Variants in SARAF observed in about 807,000 individuals in gnomAD.
SARAF encodes store-operated calcium entry-associated regulatory factor.
Under a neutral mutation model 39.7 loss-of-function variants are expected in SARAF, and 23 were observed. The observed-to-expected ratio is 0.58, with a 90% CI of 0.42 to 0.82. SARAF has a LOEUF of 0.82. Among genes scored for constraint, SARAF ranks in the 40% least tolerant of loss-of-function variants. The pLI, the probability that SARAF is intolerant of heterozygous loss-of-function variation, is 0.00. For missense variants in SARAF, 384 were observed against 418.5 expected (o/e 0.92, Z 0.72); for synonymous variants, 175 against 168.5 (o/e 1.04, Z -0.30).
At chr8:30,064,578 T>TTTTGTA (rs1801639697) in intron 5 of SARAF, among the ~76,000 whole-genome samples, 1 of 132,346 alleles carries the variant, frequency 7.6e-6, no homozygotes, top group Non-Finnish European at 1.6e-5. Flanking sequence ...TTTTTTTTTT[T>TTTTGTA]TGAGACAGAG....
chr8:30,083,027 GCAGCTACAC>G lies in SARAF; in HGVS notation c.-87_-79del. ...GGTGCGGTAGCGCGCGCGACGCTGC[GCAGCTACAC>G]CGCTACCCCTGGCGGCGGCGAAGGA... On this transcript the variant is annotated 5_prime_UTR_variant, in exon 1 of 6. Transcript: ENST00000256255. The G allele has an allele frequency of 9.1e-7, 1 of 1,097,426 alleles. No homozygotes were observed. Among genetic ancestry groups the G allele is most frequent in the Non-Finnish European group, 1.3e-6 (1 of 778,134 alleles). The allele number at this position is 1,097,426 out of a possible 1,614,324, so 68.0% of individuals were successfully genotyped here.
chr8:30,064,758 T>G (rs1467585679), intron 5 of SARAF, among the ~76,000 whole-genome samples: 1 of 151,574 alleles, frequency 6.6e-6, no homozygotes, highest in Non-Finnish European at 1.5e-5. Flanking sequence ...ACATGGGGTT[T>G]CACCATGTTG....
At chr8:30,069,517 A>G (rs1801779025) in intron 3 of SARAF, 125 bp downstream of exon 3, 2 of 1,041,642 alleles carry the variant, frequency 1.9e-6, no homozygotes, top group Admixed American at 4.6e-5. Context: ...TTGAAAGTAA[A>G]AAACAAAATG....
At chr8:30,072,499 G>A (rs1282406817) in intron 2 of SARAF, among the ~76,000 whole-genome samples, 1 of 152,070 alleles carries the variant, frequency 6.6e-6, no homozygotes, top group Non-Finnish European at 1.5e-5. Context: ...TTTATTTGGA[G>A]GAAGATTCAT....
In SARAF at chr8:30,065,997, T is replaced by C. The variant is rs1801675821; in HGVS notation, c.985A>G (p.Thr329Ala). 6.2e-7 allele frequency: 1 copy of C among 1,614,180 alleles called. No homozygotes were observed. The highest frequency in any genetic ancestry group is 1.3e-5 in the African/African-American group (1 of 75,056). Residue 329 changes from threonine (T) to alanine (A), a missense_variant, in exon 5 of 6, where the codon ACT becomes GCT. By Grantham distance (58) the Thr-to-Ala change is moderately conservative. Coordinates refer to ENST00000256255, the MANE Select transcript of SARAF (RefSeq NM_016127.6). ...TATTTTTTGCTCTTACCTGATGCAG[T>C]TCTGGTTTTCGTGTCTGAGTTTGAA... ...VCSNSDTKTRTASGYGGTRRR is the reference protein window; with the variant it reads ...VCSNSDTKTRAASGYGGTRRR
intron 5 of SARAF, among the ~76,000 whole-genome samples, chr8:30,064,559 A>ATTTTTTTTTTTTTTTTT (rs1240248914): frequency 6.0e-5 from 3 of 50,004 alleles, no homozygotes; most frequent in East Asian, 9.5e-4. Context: ...ATATATATAT[A>ATTTTTTTTTTTTTTTTT]TATTTTTTTT....
intron 3 of SARAF, 142 bp from the exon 4 acceptor site, chr8:30,067,060 CA>C: frequency 2.3e-6 from 2 of 855,104 alleles, no homozygotes; most frequent in South Asian, 3.5e-5. Flanking sequence ...AAGTTGTATT[CA>C]AAAAGGTATT....
chr8:30,067,107 C>G (rs908200261), intron 3 of SARAF, 189 bp from the exon 4 acceptor site: 9 of 623,924 alleles, frequency 1.4e-5, no homozygotes, highest in Admixed American at 9.1e-5. Context: ...GAGAGCATTT[C>G]CCATAGATAT....
chr8:30,073,971 T>C lies in SARAF; in HGVS notation c.188A>G (p.Gln63Arg), dbSNP rs1430272934. Residue 63 changes from glutamine to arginine, a missense_variant, in exon 2 of 6, where the codon CAG becomes CGG. Coordinates refer to ENST00000256255, the MANE Select transcript of SARAF (RefSeq NM_016127.6). ...AGCTGTGCCTCCAACACATTTCAAC[T>C]GTGGGATGGGATCCAGCCTGCGGGA... ...TTSRRLDPIP[Q>R]LKCVGGTAGC... 2 of 1,614,084 alleles carry C rather than the reference T, an allele frequency of 1.2e-6. No individual in the cohort carries two copies. Among genetic ancestry groups the C allele is most frequent in the Admixed American group, 3.3e-5 (2 of 60,004 alleles).
chr8:30,066,755 G>C (rs756089137), intron 4 of SARAF, 22 bp downstream of exon 4: 2 of 1,613,622 alleles, frequency 1.2e-6, no homozygotes, highest in East Asian at 2.2e-5. Flanking sequence ...AAGAGCAAGT[G>C]AGATCAATGC....
At chr8:30,081,823 A>G (rs1054160886) in intron 1 of SARAF, among the ~76,000 whole-genome samples, 1 of 152,042 alleles carries the variant, frequency 6.6e-6, no homozygotes, top group Admixed American at 6.6e-5. Context: ...ATATAGACAT[A>G]TACGTATTAA....
At chr8:30,070,081 G>A in intron 2 of SARAF, 22 bp from the exon 3 acceptor site, 2 of 1,505,704 alleles carry the variant, frequency 1.3e-6, no homozygotes, top group Non-Finnish European at 1.8e-6. Flanking sequence ...AATAGAAACA[G>A]ACTATTAGAA....
At position 30,063,755 on chromosome 8, in the gene SARAF, A is replaced by G; in HGVS notation, c.*133T>C. 2 of 764,046 alleles carry G rather than the reference A, an allele frequency of 2.6e-6. No homozygotes were observed. The allele number at this position is 764,046 out of a possible 1,614,324, so 47.3% of individuals were successfully genotyped here. ...CAAATAATAGAATACAAAAAGCTAC[A>G]CTGGACATAACACCACAGAACTTTT... On this transcript the variant is annotated 3_prime_UTR_variant, in exon 6 of 6. Coordinates refer to ENST00000256255, the MANE Select transcript of SARAF (RefSeq NM_016127.6).
rs112863290 is a variant in SARAF, at chr8:30,066,776, C to T, written c.842+1G>A. ...AAGTGAGATCAATGCAAAAAGCTTA[C>T]CTATTGCTGCCAAACAAATATCCTA... On this transcript the variant is annotated splice_donor_variant, in intron 4 of 5. Coordinates refer to ENST00000256255, the MANE Select transcript of SARAF (RefSeq NM_016127.6). LOFTEE classifies it high-confidence loss of function. The T allele has an allele frequency of 6.5e-7, 1 of 1,547,158 alleles. No individual in the cohort carries two copies.
chr8:30,081,740 T>G (rs866781265), intron 1 of SARAF, among the ~76,000 whole-genome samples: 1,739 of 152,236 alleles, frequency 0.011, 39 homozygotes, highest in African/African-American at 0.04. Context: ...CATTTTTTTT[T>G]TTTTTTACAG....
chr8:30,064,562 T>TATATATA (rs1182365966), intron 5 of SARAF, among the ~76,000 whole-genome samples: 2 of 18,650 alleles, frequency 1.1e-4, no homozygotes, highest in African/African-American at 5.1e-4. Context: ...TATATATATA[T>TATATATA]TTTTTTTTTT....
chr8:30,070,117 T>C, intron 2 of SARAF, 58 bp from the exon 3 acceptor site: 1 of 1,459,302 alleles, frequency 6.9e-7, no homozygotes. Flanking sequence ...ATTTAATATA[T>C]GTTACTTGGG....
intron 2 of SARAF, among the ~76,000 whole-genome samples, chr8:30,072,953 C>T (rs7002981): frequency 0.98 from 149,249 of 152,336 alleles, 73,183 homozygotes; most frequent in Middle Eastern, 1. Context: ...TTAATACATG[C>T]TTAATGAATG....
intron 1 of SARAF, chr8:30,082,389 T>C (rs900784907): frequency 1.3e-5 from 2 of 152,906 alleles, no homozygotes; most frequent in African/African-American, 4.9e-5. Context: ...ACCTGCGAGG[T>C]CTGCAGCCCT....
Sources: allele counts gnomAD v4.1 joint callset (sites outside exome capture counted in the v4.1 genomes callset), GRCh38; gene constraint gnomAD v4.1.1; transcripts MANE v1.5; gene names NCBI Gene and HGNC (gene_info 2026-07-23, HGNC 2026-07-21).